The following TCF4 variants were observed in gnomAD, a reference collection of about 807,000 sequenced individuals.
TCF4 encodes SL3-3 enhancer factor 2.
In TCF4, 3 loss-of-function variants were observed where a neutral mutation model predicts 82.1. The ratio of observed to expected loss-of-function variants is 0.04; its 90% CI spans 0.02 to 0.09. The LOEUF (loss-of-function observed/expected upper bound fraction) is 0.09. Among genes scored for constraint, TCF4 ranks in the 10% least tolerant of loss-of-function variants. TCF4 has a pLI of 1.00. For synonymous variants in TCF4, 276 were observed against 309.6 expected (o/e 0.89, Z 1.14); for missense variants, 518 against 852.7 (o/e 0.61, Z 4.89).
intron 5 of TCF4, among the ~76,000 whole-genome samples, chr18:55,452,059 T>C (rs768709456): frequency 4.6e-5 from 7 of 152,168 alleles, no homozygotes; most frequent in Non-Finnish European, 8.8e-5. Flanking sequence ...TGTAAAAACC[T>C]AGAGAAAAAC....
chr18:55,612,763 C>A (rs566135784), intron 2 of TCF4, among the ~76,000 whole-genome samples: 1 of 152,134 alleles, frequency 6.6e-6, no homozygotes, highest in Non-Finnish European at 1.5e-5. Context: ...GACTGGCCAA[C>A]ATGGTGAAAT....
At chr18:55,328,823 G>A (rs751473434) in intron 8 of TCF4, among the ~76,000 whole-genome samples, 1 of 152,130 alleles carries the variant, frequency 6.6e-6, no homozygotes, top group African/African-American at 2.4e-5. Context: ...TGCATTGCTC[G>A]ATAATCAGAG....
intron 3 of TCF4, among the ~76,000 whole-genome samples, chr18:55,545,840 A>AGAT (rs1400376359): frequency 6.6e-6 from 1 of 152,224 alleles, no homozygotes; most frequent in Non-Finnish European, 1.5e-5. Context: ...AGATTAAAGA[A>AGAT]GATGCGGTCC....
At chr18:55,365,187 A>ATG (rs1354127999) in intron 6 of TCF4, among the ~76,000 whole-genome samples, 304 of 108,362 alleles carry the variant, frequency 2.8e-3, no homozygotes, top group Non-Finnish European at 4.4e-3. Flanking sequence ...ATATATATAT[A>ATG]TATATGTGTG....
At chr18:55,502,549 A>C (rs981291615) in intron 3 of TCF4, among the ~76,000 whole-genome samples, 12 of 152,156 alleles carry the variant, frequency 7.9e-5, no homozygotes, top group African/African-American at 2.9e-4. Context: ...AATCTAATAC[A>C]CCCAAGTCAC....
chr18:55,287,590 T>A (rs2063989726), intron 8 of TCF4, among the ~76,000 whole-genome samples: 1 of 152,222 alleles, frequency 6.6e-6, no homozygotes, highest in African/African-American at 2.4e-5. Flanking sequence ...ACCTGGGCGA[T>A]CCACAAAGGA....
At chr18:55,614,954 T>C (rs1315886438) in intron 2 of TCF4, among the ~76,000 whole-genome samples, 1 of 152,180 alleles carries the variant, frequency 6.6e-6, no homozygotes, top group Non-Finnish European at 1.5e-5. Context: ...GTTATTATTT[T>C]TATTATTATG....
intron 5 of TCF4, among the ~76,000 whole-genome samples, chr18:55,451,119 C>T (rs1023968109): frequency 3.3e-5 from 5 of 152,120 alleles, no homozygotes; most frequent in African/African-American, 1.2e-4. Context: ...TTCTATACTA[C>T]CTCCACCTGC....
At chr18:55,399,145 C>A (rs142719956) in intron 6 of TCF4, among the ~76,000 whole-genome samples, 1 of 152,068 alleles carries the variant, frequency 6.6e-6, no homozygotes, top group Non-Finnish European at 1.5e-5. Flanking sequence ...CTAAAAGAGG[C>A]CAAAAGTTTA....
intron 1 of TCF4, among the ~76,000 whole-genome samples, chr18:55,632,815 A>C (rs2097732830): frequency 6.6e-6 from 1 of 152,252 alleles, no homozygotes; most frequent in Non-Finnish European, 1.5e-5. Context: ...GATTAAGCTC[A>C]TTATGCCATT....
intron 3 of TCF4, among the ~76,000 whole-genome samples, chr18:55,554,619 T>C (rs1385572316): frequency 6.6e-6 from 1 of 152,202 alleles, no homozygotes; most frequent in Non-Finnish European, 1.5e-5. Flanking sequence ...GGAAGTACTC[T>C]GAAAGTTCAA....
At chr18:55,396,027 C>G (rs562828623) in intron 6 of TCF4, among the ~76,000 whole-genome samples, 1 of 152,246 alleles carries the variant, frequency 6.6e-6, no homozygotes, top group Non-Finnish European at 1.5e-5. Context: ...TAACCCTGAA[C>G]GGAGCTGAGT....
chr18:55,549,032 G>T (rs200689685), intron 3 of TCF4, among the ~76,000 whole-genome samples: 1 of 151,884 alleles, frequency 6.6e-6, no homozygotes, highest in Non-Finnish European at 1.5e-5. Flanking sequence ...CAGGCATGGT[G>T]GTTCACACCT....
chr18:55,339,745 T>TTA (rs1045299103), intron 8 of TCF4, among the ~76,000 whole-genome samples: 10 of 152,158 alleles, frequency 6.6e-5, no homozygotes, highest in African/African-American at 2.4e-4. Flanking sequence ...AAATCAGCCT[T>TTA]TATATATAAA....
intron 2 of TCF4, among the ~76,000 whole-genome samples, chr18:55,622,488 A>G (rs1360242554): frequency 1.4e-5 from 2 of 147,370 alleles, no homozygotes; most frequent in East Asian, 4.0e-4. Flanking sequence ...CTGGCAACAG[A>G]GCGAGACTCA....
intron 6 of TCF4, among the ~76,000 whole-genome samples, chr18:55,353,014 T>C (rs552325113): frequency 6.6e-6 from 1 of 152,312 alleles, no homozygotes; most frequent in South Asian, 2.1e-4. Flanking sequence ...TTTCTTCATT[T>C]TTCTTTCTCT....
At chr18:55,375,701 A>G (rs574652353) in intron 6 of TCF4, among the ~76,000 whole-genome samples, 1 of 152,314 alleles carries the variant, frequency 6.6e-6, no homozygotes, top group Admixed American at 6.5e-5. Flanking sequence ...TTAACAGACA[A>G]TAAAAAAGAC....
chr18:55,509,956 C>T (rs1012989209), intron 3 of TCF4, among the ~76,000 whole-genome samples: 5 of 152,092 alleles, frequency 3.3e-5, no homozygotes, highest in African/African-American at 1.2e-4. Flanking sequence ...CATGAAAATG[C>T]CTGGGAAAAT....
chr18:55,510,106 C>T (rs570679640), intron 3 of TCF4, among the ~76,000 whole-genome samples: 2 of 149,300 alleles, frequency 1.3e-5, no homozygotes, highest in South Asian at 4.2e-4. Flanking sequence ...GCCAAGTCTC[C>T]CCCTGATGTT....
Sources: allele counts gnomAD v4.1 joint callset (sites outside exome capture counted in the v4.1 genomes callset), GRCh38; gene constraint gnomAD v4.1.1; transcripts MANE v1.5; gene names NCBI Gene and HGNC (gene_info 2026-07-23, HGNC 2026-07-21).